The following JPH2 variants were observed in gnomAD, a reference collection of about 807,000 sequenced individuals.
JPH2 encodes the protein junctophilin-2.
JPH2 carries 38 observed loss-of-function variants against 55.9 expected under a neutral mutation model. That is an observed-to-expected ratio of 0.68 (90% confidence interval 0.52 to 0.89). JPH2 has a LOEUF of 0.89. Among genes scored for constraint, JPH2 ranks in the 40% least tolerant of loss-of-function variants. The probability of loss-of-function intolerance (pLI) is 0.00; values close to 1 mark genes in which losing one functional copy is unlikely to be tolerated. For missense variants in JPH2, 964 were observed against 1,037.6 expected, an observed-to-expected ratio of 0.93 and a Z score of 0.97; for synonymous variants, 480 against 472.4, an observed-to-expected ratio of 1.02 and a Z score of -0.21.
chr20:44,155,535 A>T (rs1259031110), intron 2 of JPH2, among the ~76,000 whole-genome samples: 4 of 152,110 alleles, frequency 2.6e-5, no homozygotes, highest in Non-Finnish European at 5.9e-5. Flanking sequence ...TGAATTCCAG[A>T]CCCTTCTCCC....
At chr20:44,175,706 A>G (rs1177968943) in intron 1 of JPH2, among the ~76,000 whole-genome samples, 4 of 152,108 alleles carry the variant, frequency 2.6e-5, no homozygotes, top group African/African-American at 9.7e-5. Context: ...CCCGTGGCTC[A>G]CCCCCAGAAG....
rs1409841420 is a variant in JPH2, at chr20:44,115,772, C to G, written c.1903G>C (p.Ala635Pro). The G allele has an allele frequency of 1.9e-6, 3 of 1,611,774 alleles. No homozygotes were observed. The highest frequency in any genetic ancestry group is 2.5e-6 in the Non-Finnish European group (3 of 1,179,930). Residue 635 changes from alanine (A) to proline (P), a missense_variant, in exon 4 of 6, where the codon GCC (alanine) becomes CCC (proline). Ala to Pro is a conservative substitution (Grantham distance 27). Transcript: ENST00000372980. ...KPIIPKAEPR[A>P]KARKTEARGL... ...CGAGCCTCAGTCTTGCGGGCCTTGG[C>G]CCTGGGCTCGGCTTTGGGGATGATG... is the stretch of plus-strand genomic sequence containing the variant.
intron 2 of JPH2, among the ~76,000 whole-genome samples, chr20:44,150,432 C>A (rs2072523685): frequency 6.6e-6 from 1 of 152,150 alleles, no homozygotes. Flanking sequence ...GATTGGAAGA[C>A]TTAAAATTGT....
At chr20:44,157,706 A>G (rs1213686178) in intron 2 of JPH2, among the ~76,000 whole-genome samples, 1 of 152,200 alleles carries the variant, frequency 6.6e-6, no homozygotes, top group Non-Finnish European at 1.5e-5. Context: ...CCACAGATGG[A>G]GAAACTGACA....
chr20:44,176,730 G>T, intron 1 of JPH2: 1 of 335,918 alleles, frequency 3.0e-6, no homozygotes, highest in Non-Finnish European at 4.2e-6. Flanking sequence ...GGAGGTCGAG[G>T]CTGCAGTGAG....
In JPH2 at chr20:44,115,847, G is replaced by A; in HGVS notation, c.1828C>T (p.Arg610Ter). Residue 610 changes from arginine (R) to a stop codon, truncating the protein, a stop_gained, in exon 4 of 6, where the codon CGA (arginine) becomes TGA (stop). Coordinates refer to ENST00000372980, the MANE Select transcript of JPH2 (RefSeq NM_020433.5). LOFTEE classifies it high-confidence loss of function. Reference sequence around the variant, plus strand: ...GTCTCGCGTGCAGGCTCGGGGCCTCGGAGCGTGGGGGCCTGCAGCGGGGCG... The same window carrying A: ...GTCTCGCGTGCAGGCTCGGGGCCTCAGAGCGTGGGGGCCTGCAGCGGGGCG... Reference protein sequence around the residue: ...ATAPLQAPTLRGPEPARETPA... With the variant: ...ATAPLQAPTL The A allele has an allele frequency of 2.5e-6, 4 of 1,592,886 alleles. No homozygotes were observed. Among genetic ancestry groups the A allele is most frequent in the South Asian group, 1.1e-5 (1 of 90,516 alleles).
chr20:44,114,543 C>T (rs1246126524), intron 5 of JPH2, among the ~76,000 whole-genome samples: 1 of 150,302 alleles, frequency 6.7e-6, no homozygotes, highest in Admixed American at 6.6e-5. Flanking sequence ...AGGTGCTCTG[C>T]AAACACTAAG....
rs2145831982 is a variant in JPH2 at position 44,107,406 on chromosome 20, C to T, written c.*6112G>A. Among the ~76,000 whole-genome samples the T allele has an allele frequency of 6.6e-6, 1 of 152,296 alleles. No homozygotes were observed. The highest frequency in any genetic ancestry group is 2.4e-5 in the African/African-American group (1 of 41,550). ...CATGTAGTCCGTATTTCCCAGCCTCCCTTGAAGCTAGTTGAGGCCAAACAA... is the reference window on the plus strand; with the variant it reads ...CATGTAGTCCGTATTTCCCAGCCTCTCTTGAAGCTAGTTGAGGCCAAACAA... On this transcript the variant is annotated 3_prime_UTR_variant, in exon 6 of 6. Transcript: ENST00000372980.
intron 1 of JPH2, among the ~76,000 whole-genome samples, chr20:44,168,975 T>C (rs1451679772): frequency 6.6e-6 from 1 of 152,140 alleles, no homozygotes; most frequent in Non-Finnish European, 1.5e-5. Flanking sequence ...ACAAAGAGCC[T>C]GGCACCTTTT....
In JPH2 at chr20:44,149,353, C is replaced by T. The variant is rs575125870; in HGVS notation, c.1169+10265G>A. ...TGTGGTCATACACATTTGGGCAGAC[C>T]GCTCCCAGCTCTCGTGGCTACCCAC... On this transcript the variant is annotated intron_variant, in intron 2 of 5. Transcript: ENST00000372980. Among the ~76,000 whole-genome samples, 10 of 152,340 alleles carry T rather than the reference C, an allele frequency of 6.6e-5. No homozygotes were observed. In the East Asian group the frequency reaches 9.6e-4, roughly 15 times the overall value.
At chr20:44,130,739 T>C (rs2072311820) in intron 2 of JPH2, among the ~76,000 whole-genome samples, 1 of 152,250 alleles carries the variant, frequency 6.6e-6, no homozygotes, top group African/African-American at 2.4e-5. Flanking sequence ...AAAGCAACAG[T>C]GCGCTGACGT....
At chr20:44,136,320 T>C (rs940499929) in intron 2 of JPH2, among the ~76,000 whole-genome samples, 5 of 152,142 alleles carry the variant, frequency 3.3e-5, no homozygotes, top group Admixed American at 3.3e-4. Flanking sequence ...CAGAGGGCCA[T>C]GACTGTCACC....
intron 2 of JPH2, 105 bp from the exon 3 acceptor site, chr20:44,118,728 A>G (rs2145840731): frequency 1.1e-6 from 1 of 881,756 alleles, no homozygotes; most frequent in African/African-American, 1.6e-5. Flanking sequence ...GCATTCTTTC[A>G]CGCAGGCAGT....
At chr20:44,122,654 C>A (rs2072245657) in intron 2 of JPH2, among the ~76,000 whole-genome samples, 1 of 152,126 alleles carries the variant, frequency 6.6e-6, no homozygotes, top group African/African-American at 2.4e-5. Flanking sequence ...GATAGTAATT[C>A]TCCCCTCCTG....
At chr20:44,133,353 A>G (rs968911881) in intron 2 of JPH2, among the ~76,000 whole-genome samples, 2 of 151,918 alleles carry the variant, frequency 1.3e-5, no homozygotes, top group Admixed American at 1.3e-4. Context: ...AAAATCTCAC[A>G]TCTATTGGTA....
chr20:44,138,221 T>G (rs2072429750), intron 2 of JPH2, among the ~76,000 whole-genome samples: 1 of 152,190 alleles, frequency 6.6e-6, no homozygotes, highest in South Asian at 2.1e-4. Context: ...TTGGCCAGGC[T>G]GGTCTCGAAC....
chr20:44,182,029 T>C (rs1669517308), intron 1 of JPH2, among the ~76,000 whole-genome samples: 1 of 152,218 alleles, frequency 6.6e-6, no homozygotes, highest in Admixed American at 6.5e-5. Context: ...GCAACCACCA[T>C]TTACTAAGTA....
chr20:44,120,931 A>G (rs2072231543), intron 2 of JPH2, among the ~76,000 whole-genome samples: 1 of 152,234 alleles, frequency 6.6e-6, no homozygotes. Flanking sequence ...AACTGAGGAC[A>G]GAGACTCTGT....
chr20:44,115,575 A>AC (rs1387699880), intron 4 of JPH2, 90 bp downstream of exon 4: 1 of 1,558,630 alleles, frequency 6.4e-7, no homozygotes, highest in African/African-American at 1.4e-5. Context: ...CACCCCAGCA[A>AC]CCCCCAAATC....
Sources: allele counts gnomAD v4.1 joint callset (sites outside exome capture counted in the v4.1 genomes callset), GRCh38; gene constraint gnomAD v4.1.1; transcripts MANE v1.5; gene names NCBI Gene and HGNC (gene_info 2026-07-23, HGNC 2026-07-21).